The following YJU2B variants were observed in gnomAD, a reference collection of about 807,000 sequenced individuals.
YJU2B encodes the protein probable splicing factor YJU2B.
Under a neutral mutation model 38.0 loss-of-function variants are expected in YJU2B, and 18 were observed. The ratio of observed to expected loss-of-function variants is 0.47; its 90% CI spans 0.33 to 0.70. The LOEUF (loss-of-function observed/expected upper bound fraction) is 0.70, where lower values mean the gene tolerates loss of function less well. YJU2B is among the 30% of genes least tolerant of loss of function. The probability of loss-of-function intolerance (pLI) is 0.02; values close to 1 mark genes in which losing one functional copy is unlikely to be tolerated. For missense variants in YJU2B, 538 were observed against 556.3 expected, an observed-to-expected ratio of 0.97 and a Z score of 0.33; for synonymous variants, 246 against 225.4, an observed-to-expected ratio of 1.09 and a Z score of -0.82.
At chr19:13,761,379 T>C (rs932395244) in intron 8 of YJU2B, 1 of 152,052 alleles carries the variant, frequency 6.6e-6, no homozygotes, top group Non-Finnish European at 1.5e-5. Context: ...AAGACTCTTG[T>C]CTCAAAAAAA....
intron 8 of YJU2B, among the ~76,000 whole-genome samples, chr19:13,761,002 CAT>C (rs1973865982): frequency 6.6e-6 from 1 of 152,004 alleles, no homozygotes; most frequent in Non-Finnish European, 1.5e-5. Flanking sequence ...ATCCTGGCCT[CAT>C]GTGATCCACC....
intron 2 of YJU2B, among the ~76,000 whole-genome samples, 190 bp from the exon 3 acceptor site, chr19:13,754,099 G>C (rs1471765387): frequency 6.6e-6 from 1 of 152,118 alleles, no homozygotes; most frequent in Non-Finnish European, 1.5e-5. Flanking sequence ...CTGAACTCGG[G>C]AAACGGAGGT....
At chr19:13,762,479 G>T in intron 9 of YJU2B, 42 bp downstream of exon 9, 1 of 1,599,168 alleles carries the variant, frequency 6.3e-7, no homozygotes. Flanking sequence ...GGGAGGCTCA[G>T]AGTTGCCTGG....
At chr19:13,746,001 C>T (rs1453697705), upstream of YJU2B, among the ~76,000 whole-genome samples, 1 of 151,942 alleles carries the variant, frequency 6.6e-6, no homozygotes, top group Non-Finnish European at 1.5e-5. Context: ...CCTGTAATCC[C>T]AGCACTTTGG....
chr19:13,751,316 G>C (rs1973453450), intron 1 of YJU2B, among the ~76,000 whole-genome samples: 1 of 152,246 alleles, frequency 6.6e-6, no homozygotes, highest in East Asian at 1.9e-4. Flanking sequence ...TCGGGAGACT[G>C]AGGCAGGAGA....
At chr19:13,749,137 G>A (rs529278081) in intron 1 of YJU2B, among the ~76,000 whole-genome samples, 5 of 152,318 alleles carry the variant, frequency 3.3e-5, no homozygotes, top group South Asian at 4.1e-4. Context: ...TCCAGTAGCT[G>A]GGATTACAGG....
intron 2 of YJU2B, among the ~76,000 whole-genome samples, chr19:13,734,197 A>G (rs1365783344): frequency 1.3e-5 from 2 of 152,004 alleles, no homozygotes; most frequent in African/African-American, 4.8e-5. Context: ...CAAATTGTTG[A>G]GATTACAGGC....
intron 2 of YJU2B, among the ~76,000 whole-genome samples, chr19:13,740,097 G>T (rs1449632977): frequency 1.3e-5 from 2 of 152,154 alleles, no homozygotes; most frequent in Non-Finnish European, 2.9e-5. Flanking sequence ...AGAAAATGTG[G>T]CACATATATA....
intron 8 of YJU2B, 166 bp downstream of exon 8, chr19:13,759,438 G>A (rs866355943): frequency 5.1e-6 from 3 of 593,520 alleles, no homozygotes; most frequent in Middle Eastern, 4.4e-4. Context: ...ATCCATTCTG[G>A]CTACTATAAT....
chr19:13,747,935 T>A lies in YJU2B; in HGVS notation c.-221T>A, dbSNP rs1973307405. ...CGCACTTCCGGGCACGGTCAGGGCG[T>A]GACGTCGGGAGGAGGGCAGGTAAGT... On this transcript the variant is annotated 5_prime_UTR_variant, in exon 1 of 10. Transcript: ENST00000221554. The A allele has an allele frequency of 6.6e-6, 1 of 152,178 alleles. No individual in the cohort carries two copies. The highest frequency in any genetic ancestry group is 1.5e-5 in the Non-Finnish European group (1 of 68,028). 9.4% of individuals were successfully genotyped at this position (152,178 alleles called of 1,614,324 possible).
chr19:13,734,206 G>A (rs557060002), intron 2 of YJU2B, among the ~76,000 whole-genome samples: 1 of 152,198 alleles, frequency 6.6e-6, no homozygotes, highest in East Asian at 1.9e-4. Context: ...GAGATTACAG[G>A]CGTGAGCCAG....
intron 2 of YJU2B, among the ~76,000 whole-genome samples, chr19:13,736,431 G>A (rs765123781): frequency 4.1e-4 from 62 of 151,558 alleles, no homozygotes; most frequent in Admixed American, 9.9e-4. Context: ...GCTAATTTTT[G>A]TATTTTTTAG....
intron 2 of YJU2B, among the ~76,000 whole-genome samples, chr19:13,752,637 T>A (rs558980893): frequency 6.4e-4 from 97 of 152,082 alleles, no homozygotes; most frequent in African/African-American, 2.3e-3. Context: ...CCAGCCACTC[T>A]GGAGGGTGAG....
chr19:13,751,734 G>C lies in YJU2B; in HGVS notation c.-75G>C. The C allele has an allele frequency of 6.5e-7, 1 of 1,536,520 alleles. No individual in the cohort carries two copies. The highest frequency in any genetic ancestry group is 9.0e-7 in the Non-Finnish European group (1 of 1,109,546). ...TCTGCCAGGCTCCACAAGAGGTCAG[G>C]ACAGTGCAGTGTGTTCACAAGGCCA... On this transcript the variant is annotated 5_prime_UTR_variant, in exon 2 of 10. Coordinates refer to ENST00000221554, the MANE Select transcript of YJU2B (RefSeq NM_030818.4).
chr19:13,742,266 C>G (rs1293554003), intron 2 of YJU2B, among the ~76,000 whole-genome samples: 1 of 149,922 alleles, frequency 6.7e-6, no homozygotes, highest in Non-Finnish European at 1.5e-5. Flanking sequence ...ATTTAACTCA[C>G]AACCATCTGG....
intron 9 of YJU2B, 30 bp from the exon 10 acceptor site, chr19:13,762,560 G>T: frequency 2.0e-6 from 3 of 1,530,642 alleles, no homozygotes; most frequent in Non-Finnish European, 1.7e-6. Flanking sequence ...CTCCCCTGCC[G>T]CCCCTGAAAT....
At chr19:13,741,669 C>G (rs1300788880) in intron 2 of YJU2B, among the ~76,000 whole-genome samples, 3 of 151,920 alleles carry the variant, frequency 2.0e-5, no homozygotes, top group Non-Finnish European at 4.4e-5. Context: ...CCTGGGAGTT[C>G]AAGGCTGCAG....
At chr19:13,759,297 C>T in intron 8 of YJU2B, 25 bp downstream of exon 8, 6 of 1,576,998 alleles carry the variant, frequency 3.8e-6, no homozygotes, top group Non-Finnish European at 4.3e-6. Context: ...AGCCCGGGGT[C>T]AGAGAGGATG....
Position 13,747,908 on chromosome 19 carries a change from C to G in YJU2B, c.-248C>G, listed in dbSNP as rs1467781468. On this transcript the variant is annotated 5_prime_UTR_variant, in exon 1 of 10. Coordinates refer to ENST00000221554, the MANE Select transcript of YJU2B (RefSeq NM_030818.4). ...GCGCCCAGGTTCACCGCGCTCTCAG[C>G]GCGCACTTCCGGGCACGGTCAGGGC... 6.6e-6 allele frequency: 1 copy of G among 152,294 alleles called. No individual in the cohort carries two copies. The highest frequency in any genetic ancestry group is 6.5e-5 in the Admixed American group (1 of 15,286). 9.4% of individuals were successfully genotyped at this position (152,294 alleles called of 1,614,324 possible).
Sources: gnomAD v4.1 joint callset for allele counts (sites outside exome capture counted in the v4.1 genomes callset) on GRCh38, gnomAD v4.1.1 for gene constraint, MANE v1.5 for transcripts, NCBI Gene and HGNC (gene_info 2026-07-23, HGNC 2026-07-21) for gene names.